Variants in JAKMIP1 observed in about 807,000 individuals in gnomAD.
JAKMIP1 encodes janus kinase and microtubule interacting protein 1, also known as janus kinase and microtubule-interacting protein 1.
JAKMIP1 carries 33 observed loss-of-function variants against 113.0 expected under a neutral mutation model. The observed-to-expected ratio is 0.29, with a 90% CI of 0.22 to 0.39. JAKMIP1 has a LOEUF of 0.39. Ranked by LOEUF, JAKMIP1 falls within the 10% of genes least tolerant of loss-of-function variation. The pLI, the probability that JAKMIP1 is intolerant of heterozygous loss-of-function variation, is 1.00. For synonymous variants in JAKMIP1, 480 were observed against 459.9 expected (o/e 1.04, Z -0.56); for missense variants, 813 against 1,080.5 (o/e 0.75, Z 3.47).
At position 6,150,779 on chromosome 4, in the gene JAKMIP1, GGAA is replaced by G. The variant is rs1358282218; in HGVS notation, c.-147-37785_-147-37783del. ...AAAATCAGCTTCCTAGACCATGGCG[GGAA>G]GAAGAAAACAGGCAAGAAATTTCCG... On this transcript the variant is annotated intron_variant, in intron 1 of 20. Coordinates refer to ENST00000409021, the MANE Select transcript of JAKMIP1 (RefSeq NM_001099433.2). This position sits in a 1 kb window ranked among gnomAD's most constrained non-coding sequence, Gnocchi z 4.8. Among the ~76,000 whole-genome samples the G allele has an allele frequency of 3.9e-5, 6 of 152,140 alleles. No individual in the cohort carries two copies. The highest frequency in any genetic ancestry group is 5.9e-5 in the Non-Finnish European group (4 of 68,030).
chr4:6,198,944 CT>C (rs915476133), intron 1 of JAKMIP1, among the ~76,000 whole-genome samples: 14 of 152,336 alleles, frequency 9.2e-5, no homozygotes, highest in African/African-American at 3.4e-4. Context: ...GGGTGGAGCC[CT>C]GGGAGAGGGG....
At chr4:6,070,204 C>T in intron 8 of JAKMIP1, 1 of 398,478 alleles carries the variant, frequency 2.5e-6, no homozygotes, top group Non-Finnish European at 4.4e-6. Flanking sequence ...TGTGCGTGGG[C>T]TTAGGCAAAA....
At chr4:6,189,481 A>T (rs1194227888) in intron 1 of JAKMIP1, among the ~76,000 whole-genome samples, 3 of 152,174 alleles carry the variant, frequency 2.0e-5, no homozygotes, top group Non-Finnish European at 4.4e-5. Context: ...CAATGGCGAG[A>T]ACATACTGTG....
intron 3 of JAKMIP1, among the ~76,000 whole-genome samples, chr4:6,096,703 T>C (rs1478209298): frequency 2.6e-5 from 4 of 152,188 alleles, no homozygotes; most frequent in African/African-American, 4.8e-5. Flanking sequence ...GTATCCCTTA[T>C]CTGAAATGTT....
At chr4:6,159,752 G>A (rs957784998) in intron 1 of JAKMIP1, among the ~76,000 whole-genome samples, 1 of 152,160 alleles carries the variant, frequency 6.6e-6, no homozygotes, top group Non-Finnish European at 1.5e-5. Flanking sequence ...CTAGGGTGCC[G>A]CTGGGCAATT....
Position 6,139,248 on chromosome 4 carries a change from A to G in JAKMIP1, c.-147-26251T>C, listed in dbSNP as rs1033828608. ...AAGGGTTCTGCCCCAGTTAAAAAGCATTTGAGAACCATAGCATCAGAAGAG... is the reference window on the plus strand; with the variant it reads ...AAGGGTTCTGCCCCAGTTAAAAAGCGTTTGAGAACCATAGCATCAGAAGAG... On this transcript the variant is annotated intron_variant, in intron 1 of 20. Transcript: ENST00000409021. The surrounding 1 kb of genome is among the most constrained non-coding windows in gnomAD (Gnocchi z 5.2). Among the ~76,000 whole-genome samples, 2 of 152,148 alleles carry G rather than the reference A, an allele frequency of 1.3e-5. No homozygotes were observed. Among genetic ancestry groups the G allele is most frequent in the Non-Finnish European group, 2.9e-5 (2 of 68,044 alleles).
chr4:6,167,032 G>A lies in JAKMIP1; in HGVS notation c.-148+33221C>T, dbSNP rs1355825293. ...TACCTCCTAGGGTCTCTCAAATACT[G>A]TATGTGCTACCCCACATCAAGTACT... is the stretch of plus-strand genomic sequence containing the variant. On this transcript the variant is annotated intron_variant, in intron 1 of 20. Coordinates refer to ENST00000409021, the MANE Select transcript of JAKMIP1 (RefSeq NM_001099433.2). This position sits in a 1 kb window ranked among gnomAD's most constrained non-coding sequence, Gnocchi z 5.3. 1.3e-5 allele frequency among the ~76,000 whole-genome samples: 2 copies of A among 151,978 alleles called. No homozygotes were observed. The highest frequency in any genetic ancestry group is 2.9e-5 in the Non-Finnish European group (2 of 67,984).
intron 18 of JAKMIP1, among the ~76,000 whole-genome samples, chr4:6,037,950 C>A (rs764494145): frequency 3.8e-3 from 449 of 116,956 alleles, no homozygotes; most frequent in African/African-American, 0.019. Flanking sequence ...AGAGGTTAAC[C>A]CAGTAGCCCT....
At chr4:6,159,007 T>C (rs1722586577) in intron 1 of JAKMIP1, among the ~76,000 whole-genome samples, 1 of 151,772 alleles carries the variant, frequency 6.6e-6, no homozygotes, top group African/African-American at 2.4e-5. Context: ...GAAGATAGCT[T>C]GAGCCCTGGA....
rs138820942 is a variant in JAKMIP1, at chr4:6,112,259, G to A, written c.129+463C>T. 7.3e-3 allele frequency among the ~76,000 whole-genome samples: 1,109 copies of A among 152,242 alleles called. 14 individuals are homozygous for A. The highest frequency in any genetic ancestry group is 0.025 in the African/African-American group (1,056 of 41,540). ...GCAGCTGAGCATCAGTAAATCACAG[G>A]TGACCCATGGATCAAGGGTCAAGCT... On this transcript the variant is annotated intron_variant, in intron 2 of 20. Coordinates refer to ENST00000409021, the MANE Select transcript of JAKMIP1 (RefSeq NM_001099433.2).
chr4:6,084,232 G>C (rs1371476505), intron 5 of JAKMIP1, among the ~76,000 whole-genome samples: 1 of 151,420 alleles, frequency 6.6e-6, no homozygotes, highest in Non-Finnish European at 1.5e-5. Flanking sequence ...CAGGAGAATC[G>C]CTTGAACCCG....
rs1265858856 is a variant in JAKMIP1 at position 6,184,794 on chromosome 4, G to C, written c.-148+15459C>G. On this transcript the variant is annotated intron_variant, in intron 1 of 20. Transcript: ENST00000409021. The surrounding 1 kb of genome is among the most constrained non-coding windows in gnomAD (Gnocchi z 4.5). The stretch of plus-strand genomic sequence containing the variant: ...CAGAAGGATAGAAAGTATTGTTCCT[G>C]AGTGTGTCTGTGAGGATCTTACCAA... Among the ~76,000 whole-genome samples, 2 of 152,240 alleles carry C rather than the reference G, an allele frequency of 1.3e-5. No homozygotes were observed. Among genetic ancestry groups the C allele is most frequent in the African/African-American group, 4.8e-5 (2 of 41,458 alleles).
rs1725590798 is a variant in JAKMIP1 at position 6,178,173 on chromosome 4, TCC to T, written c.-148+22078_-148+22079del. ...CAAGGCTTTGATATATTTAGCTTTG[TCC>T]CCCATGGGTATAAAAAAATGACCCT... On this transcript the variant is annotated intron_variant, in intron 1 of 20. Coordinates refer to ENST00000409021, the MANE Select transcript of JAKMIP1 (RefSeq NM_001099433.2). This position sits in a 1 kb window ranked among gnomAD's most constrained non-coding sequence, Gnocchi z 5.5. Among the ~76,000 whole-genome samples, 1 of 152,186 alleles carries T rather than the reference TCC, an allele frequency of 6.6e-6. No individual in the cohort carries two copies.
At chr4:6,058,049 G>A (rs74340944) in intron 11 of JAKMIP1, among the ~76,000 whole-genome samples, 3,029 of 152,354 alleles carry the variant, frequency 0.02, 35 homozygotes, top group South Asian at 0.075. Context: ...CTGATTCAGC[G>A]TCCCAGGTAC....
chr4:6,037,615 C>T (rs998579077), intron 18 of JAKMIP1, among the ~76,000 whole-genome samples: 2 of 147,640 alleles, frequency 1.4e-5, no homozygotes, highest in African/African-American at 5.1e-5. Context: ...CAGAGGCTAA[C>T]CGGTATCCCT....
rs903053007 is a variant in JAKMIP1 at position 6,061,185 on chromosome 4, A to C, written c.1561-678T>G. On this transcript the variant is annotated intron_variant, in intron 10 of 20. Transcript: ENST00000409021. This position sits in a 1 kb window ranked among gnomAD's most constrained non-coding sequence, Gnocchi z 5.3. ...GTCAGGAACCTGGATTTCTCTATAG[A>C]ATCTCTTGATTTTTAAATGTTGGCA... 6.6e-6 allele frequency among the ~76,000 whole-genome samples: 1 copy of C among 152,224 alleles called. No individual in the cohort carries two copies. The highest frequency in any genetic ancestry group is 1.5e-5 in the Non-Finnish European group (1 of 68,038).
intron 8 of JAKMIP1, among the ~76,000 whole-genome samples, chr4:6,066,890 C>T (rs905723113): frequency 2.0e-5 from 3 of 152,010 alleles, no homozygotes; most frequent in African/African-American, 4.8e-5. Context: ...CTCTCCTCCT[C>T]CGCTCCAGGC....
rs1725413744 is a variant in JAKMIP1 at position 6,176,976 on chromosome 4, T to G, written c.-148+23277A>C. Among the ~76,000 whole-genome samples the G allele has an allele frequency of 6.6e-6, 1 of 152,124 alleles. No homozygotes were observed. Among genetic ancestry groups the G allele is most frequent in the Non-Finnish European group, 1.5e-5 (1 of 68,026 alleles). ...TGCATCGGGGAGGTTGAGGCTGCAG[T>G]GAGCCATGATTTGTGCCACTGCACT... On this transcript the variant is annotated intron_variant, in intron 1 of 20. Coordinates refer to ENST00000409021, the MANE Select transcript of JAKMIP1 (RefSeq NM_001099433.2). The surrounding 1 kb of genome is among the most constrained non-coding windows in gnomAD (Gnocchi z 5.5).
In JAKMIP1 at chr4:6,093,655, G is replaced by A. The variant is rs1375541693; in HGVS notation, c.625-8026C>T. On this transcript the variant is annotated intron_variant, in intron 3 of 20. Transcript: ENST00000409021. The surrounding 1 kb of genome is among the most constrained non-coding windows in gnomAD (Gnocchi z 4.6). ...GCAGTCTCTTGAAGTTCAGGGTCCTGAACCAGACACCTCCTGTATTACAAT... is the reference window on the plus strand; with the variant it reads ...GCAGTCTCTTGAAGTTCAGGGTCCTAAACCAGACACCTCCTGTATTACAAT... Among the ~76,000 whole-genome samples, 1 of 152,162 alleles carries A rather than the reference G, an allele frequency of 6.6e-6. No individual in the cohort carries two copies. Among genetic ancestry groups the A allele is most frequent in the Non-Finnish European group, 1.5e-5 (1 of 68,030 alleles).
Sources: gnomAD v4.1 joint callset for allele counts (sites outside exome capture counted in the v4.1 genomes callset) on GRCh38, gnomAD v4.1.1 for gene constraint, Gnocchi (gnomAD v3.1) non-coding constraint, MANE v1.5 for transcripts, NCBI Gene and HGNC (gene_info 2026-07-23, HGNC 2026-07-21) for gene names.